The following LMBRD1 variants were observed in gnomAD, a reference collection of about 807,000 sequenced individuals.
LMBRD1 encodes lysosomal cobalamin transport escort protein LMBD1.
In LMBRD1, 64 loss-of-function variants were observed where a neutral mutation model predicts 74.8. That is an observed-to-expected ratio of 0.86 (90% CI 0.70 to 1.05). The LOEUF (loss-of-function observed/expected upper bound fraction) is 1.05. Ranked by LOEUF, LMBRD1 falls within the 50% of genes least tolerant of loss-of-function variation. The pLI is 0.00. For missense variants in LMBRD1, 652 were observed against 645.9 expected, an observed-to-expected ratio of 1.01 and a Z score of -0.10; for synonymous variants, 204 against 216.3, an observed-to-expected ratio of 0.94 and a Z score of 0.50.
chr6:69,775,120 C>G (rs1327985579), intron 3 of LMBRD1, among the ~76,000 whole-genome samples: 1 of 151,898 alleles, frequency 6.6e-6, no homozygotes, highest in Non-Finnish European at 1.5e-5. Flanking sequence ...GCGGGCATAA[C>G]CTTCCCAGAT....
intron 7 of LMBRD1, among the ~76,000 whole-genome samples, chr6:69,733,243 C>T (rs1036132161): frequency 6.6e-6 from 1 of 152,068 alleles, no homozygotes; most frequent in African/African-American, 2.4e-5. Context: ...ATTTCCCACT[C>T]TGGGTACTTT....
chr6:69,690,183 CTATT>C (rs1422034539), intron 14 of LMBRD1, among the ~76,000 whole-genome samples: 1 of 151,794 alleles, frequency 6.6e-6, no homozygotes. Context: ...TTTTGCAAGT[CTATT>C]TATACTCATT....
At chr6:69,727,831 C>T (rs1047503700) in intron 7 of LMBRD1, among the ~76,000 whole-genome samples, 1 of 152,054 alleles carries the variant, frequency 6.6e-6, no homozygotes, top group Non-Finnish European at 1.5e-5. Flanking sequence ...TAGGATTTTC[C>T]TATCCTTATT....
Position 69,701,503 on chromosome 6 carries a change from G to A in LMBRD1, c.1023C>T (p.Phe341=), listed in dbSNP as rs765215874. Residue 341 remains phenylalanine (F), a synonymous_variant, in exon 11 of 16, where the codon TTC becomes TTT. Transcript: ENST00000649934. The part of the protein sequence containing the change: ...ALHSAGIDSG[F]IIFGANLSNP... ...TACTCAGGTTAGCTCCAAAAATTAT[G>A]AAACCAGAATCTATTCCAGCTGAAT... 9.9e-5 allele frequency: 160 copies of A among 1,608,130 alleles called. No homozygotes were observed. Among genetic ancestry groups the A allele is most frequent in the Non-Finnish European group, 1.3e-4 (157 of 1,176,250 alleles).
rs374394927 is a variant in LMBRD1, at chr6:69,756,388, T to C, written c.308-4032A>G. The stretch of plus-strand genomic sequence containing the variant: ...AAAAAAAAAAAAAAGAAAAAGAAAA[T>C]ATATACATTGGTCAACAAGTACATT... On this transcript the variant is annotated intron_variant, in intron 3 of 15. Coordinates refer to ENST00000649934, the MANE Select transcript of LMBRD1 (RefSeq NM_018368.4). 5.8e-5 allele frequency among the ~76,000 whole-genome samples: 8 copies of C among 139,064 alleles called. No individual in the cohort carries two copies. The East Asian group carries it at 8.2e-4, about 14-fold the overall frequency. The allele number at this position is 139,064 out of a possible 152,430, so 91.2% of individuals were successfully genotyped here.
intron 8 of LMBRD1, among the ~76,000 whole-genome samples, chr6:69,716,187 T>G (rs925422511): frequency 6.6e-6 from 1 of 152,206 alleles, no homozygotes; most frequent in Admixed American, 6.5e-5. Flanking sequence ...CTTTGTGGAA[T>G]CACCATACTA....
At chr6:69,796,139 T>C (rs1441733816) in intron 1 of LMBRD1, among the ~76,000 whole-genome samples, 1 of 152,124 alleles carries the variant, frequency 6.6e-6, no homozygotes. Context: ...ATAAGATCGT[T>C]GGAAAAGAAA....
intron 9 of LMBRD1, chr6:69,705,648 T>A (rs1158729414): frequency 1.1e-6 from 1 of 883,044 alleles, no homozygotes; most frequent in African/African-American, 1.7e-5. Context: ...ATTATCACCA[T>A]CTTCATCATT....
At chr6:69,732,743 AT>A (rs1429841770) in intron 7 of LMBRD1, among the ~76,000 whole-genome samples, 2 of 152,208 alleles carry the variant, frequency 1.3e-5, no homozygotes, top group Admixed American at 1.3e-4. Flanking sequence ...ATAGAGGTAT[AT>A]AGTAAACAAT....
At chr6:69,764,690 G>C (rs1166226399) in intron 3 of LMBRD1, among the ~76,000 whole-genome samples, 1 of 151,988 alleles carries the variant, frequency 6.6e-6, no homozygotes, top group Non-Finnish European at 1.5e-5. Flanking sequence ...ATTAATGATT[G>C]GTAAGATACA....
At chr6:69,741,753 T>C in intron 6 of LMBRD1, 36 bp downstream of exon 6, 10 of 1,229,774 alleles carry the variant, frequency 8.1e-6, no homozygotes, top group Admixed American at 1.7e-5. Context: ...TCAGGAAATA[T>C]AAACTACTAT....
At chr6:69,748,227 C>A (rs1053845496) in intron 5 of LMBRD1, among the ~76,000 whole-genome samples, 2 of 152,146 alleles carry the variant, frequency 1.3e-5, no homozygotes, top group African/African-American at 2.4e-5. Context: ...TACTTACTAT[C>A]TATGCTTTAA....
At position 69,790,305 on chromosome 6, in the gene LMBRD1, A is replaced by T. The variant is rs1766050753; in HGVS notation, c.237T>A (p.Gly79=). Residue 79 remains glycine, a synonymous_variant, in exon 2 of 16, where the codon GGT becomes GGA. Transcript: ENST00000649934. ...FLVSYMKNQN[G]TFKDWANANV... is the part of the protein sequence containing the mutation. The stretch of plus-strand genomic sequence containing the variant: ...GTAAGATTATATTTACCTTAAATGT[A>T]CCATTTTGATTTTTCATGTAAGAAA... 6.2e-7 allele frequency: 1 copy of T among 1,606,536 alleles called. No homozygotes were observed. The highest frequency in any genetic ancestry group is 1.1e-5 in the South Asian group (1 of 90,922).
chr6:69,723,946 T>A (rs1766670950), intron 7 of LMBRD1, among the ~76,000 whole-genome samples: 1 of 151,184 alleles, frequency 6.6e-6, no homozygotes, highest in Non-Finnish European at 1.5e-5. Context: ...CCCAAATAAA[T>A]AAAATAAAAG....
At chr6:69,750,463 G>A (rs1012599480) in intron 4 of LMBRD1, among the ~76,000 whole-genome samples, 2 of 151,878 alleles carry the variant, frequency 1.3e-5, no homozygotes, top group African/African-American at 2.4e-5. Flanking sequence ...TTCTGAATAC[G>A]AATAAAAAAG....
rs1562077527 is a variant in LMBRD1 at position 69,674,482 on chromosome 6, T to G, written c.*1676A>C. On this transcript the variant is annotated 3_prime_UTR_variant, in exon 16 of 16. Transcript: ENST00000649934. ...TCTACCTGATTCTTTGTTTAGGCAATCAAGTGTCTGCGGTGCCATTTGTCA... is the reference window on the plus strand; with the variant it reads ...TCTACCTGATTCTTTGTTTAGGCAAGCAAGTGTCTGCGGTGCCATTTGTCA... Among the ~76,000 whole-genome samples, 1 of 152,130 alleles carries G rather than the reference T, an allele frequency of 6.6e-6. No homozygotes were observed. The highest frequency in any genetic ancestry group is 6.5e-5 in the Admixed American group (1 of 15,270).
intron 12 of LMBRD1, 51 bp downstream of exon 12, chr6:69,700,714 A>T: frequency 8.4e-7 from 1 of 1,191,322 alleles, no homozygotes; most frequent in Non-Finnish European, 1.2e-6. Context: ...GTAATTATGG[A>T]GATCACACAC....
chr6:69,730,678 GATA>G (rs1317833213), intron 7 of LMBRD1, among the ~76,000 whole-genome samples: 1 of 152,060 alleles, frequency 6.6e-6, no homozygotes, highest in Non-Finnish European at 1.5e-5. Flanking sequence ...TGTCTTAAAA[GATA>G]ATATGATTTG....
chr6:69,731,913 A>G (rs1766867147), intron 7 of LMBRD1, among the ~76,000 whole-genome samples: 1 of 152,168 alleles, frequency 6.6e-6, no homozygotes, highest in Admixed American at 6.6e-5. Context: ...AACGCCTTTC[A>G]TTTCATATTT....
Sources: allele counts gnomAD v4.1 joint callset (sites outside exome capture counted in the v4.1 genomes callset), GRCh38; gene constraint gnomAD v4.1.1; transcripts MANE v1.5; gene names NCBI Gene and HGNC (gene_info 2026-07-23, HGNC 2026-07-21).